The following PAN3 variants were observed in gnomAD, a reference collection of about 807,000 sequenced individuals.
PAN3 encodes PAN2-PAN3 deadenylation complex subunit PAN3.
PAN3 carries 19 observed loss-of-function variants against 96.2 expected under a neutral mutation model. The ratio of observed to expected loss-of-function variants is 0.20; its 90% CI spans 0.14 to 0.29. The LOEUF is 0.29. PAN3 is among the 10% of genes least tolerant of loss of function. PAN3 has a pLI of 1.00. For missense variants in PAN3, 882 were observed against 1,108.1 expected, an observed-to-expected ratio of 0.80 and a Z score of 2.90; for synonymous variants, 433 against 406.6, an observed-to-expected ratio of 1.06 and a Z score of -0.78.
intron 1 of PAN3, among the ~76,000 whole-genome samples, chr13:28,157,461 C>T (rs1343930027): frequency 1.3e-5 from 2 of 152,152 alleles, no homozygotes; most frequent in Non-Finnish European, 2.9e-5. Context: ...TAGAAAACCT[C>T]GTCGTCTCTG....
chr13:28,181,713 C>T (rs1236306218), intron 4 of PAN3, among the ~76,000 whole-genome samples: 5 of 152,070 alleles, frequency 3.3e-5, no homozygotes, highest in Non-Finnish European at 7.4e-5. Flanking sequence ...GAGATAAACA[C>T]TGAAAATAAA....
chr13:28,215,137 T>C, intron 5 of PAN3: 1 of 752,100 alleles, frequency 1.3e-6, no homozygotes, highest in Admixed American at 1.8e-5. Flanking sequence ...AGTGCTAACA[T>C]GCCTTGGTTC....
chr13:28,202,053 T>C (rs1319771139), intron 5 of PAN3, among the ~76,000 whole-genome samples: 2 of 141,296 alleles, frequency 1.4e-5, no homozygotes, highest in East Asian at 3.9e-4. Context: ...CTACCTCTTA[T>C]TTTTTTTTTC....
chr13:28,148,751 A>G (rs923529186), intron 1 of PAN3, among the ~76,000 whole-genome samples: 1 of 152,184 alleles, frequency 6.6e-6, no homozygotes, highest in African/African-American at 2.4e-5. Context: ...GAGTGCACAC[A>G]TGGAAGCCTA....
At chr13:28,212,198 C>T (rs1345872449) in intron 5 of PAN3, among the ~76,000 whole-genome samples, 2 of 152,136 alleles carry the variant, frequency 1.3e-5, no homozygotes, top group African/African-American at 2.4e-5. Context: ...TCTCACTGGC[C>T]AACGTGGAAA....
rs570586659 is a variant in PAN3, at chr13:28,138,599, ATGG to A, written c.-52_-50del. 88 of 370,822 alleles carry A rather than the reference ATGG, an allele frequency of 2.4e-4. No homozygotes were observed. The highest frequency in any genetic ancestry group is 4.3e-4 in the African/African-American group (10 of 23,302). The allele number at this position is 370,822 out of a possible 1,614,324, so 23.0% of individuals were successfully genotyped here. A position where few individuals can be genotyped will look rare whatever the true frequency, so the allele number is the denominator to read the frequency against. The stretch of plus-strand genomic sequence containing the variant: ...AGCGTCTTCCTTTCCTCCCCCGTCT[ATGG>A]TGGTGGCGGCGGCGGCTCCTCGGGC... On this transcript the variant is annotated 5_prime_UTR_variant, in exon 1 of 19. Coordinates refer to ENST00000380958, the MANE Select transcript of PAN3 (RefSeq NM_175854.8).
At chr13:28,242,562 A>C (rs1883774740) in intron 6 of PAN3, among the ~76,000 whole-genome samples, 1 of 152,214 alleles carries the variant, frequency 6.6e-6, no homozygotes, top group Non-Finnish European at 1.5e-5. Context: ...GGGTGTCAAG[A>C]AAATCTTCAT....
chr13:28,186,277 T>C (rs1287014578), intron 4 of PAN3, among the ~76,000 whole-genome samples: 1 of 152,232 alleles, frequency 6.6e-6, no homozygotes, highest in Non-Finnish European at 1.5e-5. Flanking sequence ...TTACAGAATG[T>C]GGAATTGATT....
At position 28,266,865 on chromosome 13, in the gene PAN3, G is replaced by T. The variant is rs751482462; in HGVS notation, c.1562G>T (p.Arg521Leu). 2 of 1,597,914 alleles carry T rather than the reference G, an allele frequency of 1.3e-6. No individual in the cohort carries two copies. The highest frequency in any genetic ancestry group is 1.7e-6 in the Non-Finnish European group (2 of 1,173,182). ...NSKDDLPYCL[R>L]RIHGFRLVNT... ...AAAGATGATCTGCCATATTGCCTTCGGAGGATACATGGTAAGGAAGATAAG... is the reference window on the plus strand; with the variant it reads ...AAAGATGATCTGCCATATTGCCTTCTGAGGATACATGGTAAGGAAGATAAG... The change falls in exon 10 of 19, where the codon CGG becomes CTG. Residue 521 changes from arginine (R) to leucine (L), a missense_variant. Physicochemically the swap from Arg to Leu is moderately radical, Grantham distance 102. Transcript: ENST00000380958.
chr13:28,267,082 A>G lies in PAN3; in HGVS notation c.1574-13A>G, dbSNP rs767306299. On this transcript the variant is annotated splice_polypyrimidine_tract_variant and intron_variant, in intron 10 of 18. Transcript: ENST00000380958. Reference sequence around the variant, plus strand: ...CAATTAGAGTTTACTGGAGTAGAAAAATTGTCTTCCAGGTTTTCGTCTTGT... The same window carrying G: ...CAATTAGAGTTTACTGGAGTAGAAAGATTGTCTTCCAGGTTTTCGTCTTGT... 1.3e-6 allele frequency: 2 copies of G among 1,583,972 alleles called. No individual in the cohort carries two copies. The highest frequency in any genetic ancestry group is 1.7e-6 in the Non-Finnish European group (2 of 1,161,582).
intron 4 of PAN3, among the ~76,000 whole-genome samples, chr13:28,191,357 A>G (rs1397859451): frequency 5.3e-5 from 8 of 152,142 alleles, no homozygotes; most frequent in African/African-American, 1.9e-4. Context: ...TCAAGTTCAT[A>G]TCCTTCTTTC....
chr13:28,289,323 A>G (rs1402506100), intron 18 of PAN3, among the ~76,000 whole-genome samples: 1 of 152,132 alleles, frequency 6.6e-6, no homozygotes, highest in Non-Finnish European at 1.5e-5. Context: ...CACCCAGGCT[A>G]TAGTGCAGTC....
At chr13:28,141,365 CTT>C (rs1869780359) in intron 1 of PAN3, among the ~76,000 whole-genome samples, 1 of 149,372 alleles carries the variant, frequency 6.7e-6, no homozygotes. Context: ...CTAGGATTCT[CTT>C]TTTAAAAAAA....
At chr13:28,227,202 G>A (rs1022982073) in intron 6 of PAN3, among the ~76,000 whole-genome samples, 3 of 152,172 alleles carry the variant, frequency 2.0e-5, no homozygotes, top group African/African-American at 4.8e-5. Context: ...CGTTTATGGC[G>A]CAGAGAGGGA....
chr13:28,281,030 G>A (rs935225644), intron 16 of PAN3, among the ~76,000 whole-genome samples: 1 of 152,178 alleles, frequency 6.6e-6, no homozygotes, highest in Non-Finnish European at 1.5e-5. Flanking sequence ...GGACAACACT[G>A]TTCTTTTCAT....
At chr13:28,280,921 C>A (rs1015917230) in intron 16 of PAN3, among the ~76,000 whole-genome samples, 1 of 152,158 alleles carries the variant, frequency 6.6e-6, no homozygotes, top group Admixed American at 6.5e-5. Context: ...TAAATAGACA[C>A]AAAATAATCA....
chr13:28,147,953 A>AT (rs907650612), intron 1 of PAN3, among the ~76,000 whole-genome samples: 21 of 151,238 alleles, frequency 1.4e-4, no homozygotes, highest in East Asian at 3.9e-4. Flanking sequence ...AGCTAGTTTG[A>AT]TTTTTTTTTC....
chr13:28,175,152 G>A (rs1412484044), intron 2 of PAN3, among the ~76,000 whole-genome samples: 1 of 152,110 alleles, frequency 6.6e-6, no homozygotes, highest in African/African-American at 2.4e-5. Flanking sequence ...GCAATGTATT[G>A]TCCTTTCTAG....
At chr13:28,230,896 A>T (rs973134173) in intron 6 of PAN3, among the ~76,000 whole-genome samples, 1 of 152,206 alleles carries the variant, frequency 6.6e-6, no homozygotes, top group African/African-American at 2.4e-5. Context: ...GTTCTTTTCA[A>T]CCAAAACAGT....
Sources: allele counts gnomAD v4.1 joint callset (sites outside exome capture counted in the v4.1 genomes callset), GRCh38; gene constraint gnomAD v4.1.1; transcripts MANE v1.5; gene names NCBI Gene and HGNC (gene_info 2026-07-23, HGNC 2026-07-21).